ZNF518A: variants seen among roughly 807,000 people sequenced by gnomAD.
ZNF518A encodes zinc finger protein 518A.
ZNF518A carries 47 observed loss-of-function variants against 102.7 expected under a neutral mutation model. The observed-to-expected ratio is 0.46, with a 90% CI of 0.36 to 0.58. ZNF518A has a LOEUF of 0.58. Among genes scored for constraint, ZNF518A ranks in the 20% least tolerant of loss-of-function variants. The pLI is 0.00. For synonymous variants in ZNF518A, 652 were observed against 594.6 expected (o/e 1.10, Z -1.40); for missense variants, 1,793 against 1,699.8 (o/e 1.05, Z -0.96).
chr10:96,202,851 T>C (rs1476275214), intron 1 of ZNF518A, among the ~76,000 whole-genome samples: 4 of 152,200 alleles, frequency 2.6e-5, no homozygotes, highest in African/African-American at 9.6e-5. Flanking sequence ...GTTTTCAACA[T>C]GCGTGCATCT....
chr10:96,172,610 T>A (rs1424707183), intron 1 of ZNF518A, among the ~76,000 whole-genome samples: 2 of 152,122 alleles, frequency 1.3e-5, no homozygotes, highest in African/African-American at 4.8e-5. Flanking sequence ...TGGAATTAAG[T>A]TTGTATTTAT....
At chr10:96,193,608 C>T (rs1421344571) in intron 1 of ZNF518A, among the ~76,000 whole-genome samples, 3 of 152,046 alleles carry the variant, frequency 2.0e-5, no homozygotes, top group African/African-American at 7.2e-5. Flanking sequence ...TACAGCTTCC[C>T]CTCACTCTCC....
rs1554885648 is a variant in ZNF518A, at chr10:96,159,203, G to A, written c.2881G>A (p.Val961Ile). Reference sequence around the variant, plus strand: ...TATTCCTGGAAATGCACTTCCATTGGTTAATTCACAAGGTATCCCTGCTTC... The same window carrying A: ...TATTCCTGGAAATGCACTTCCATTGATTAATTCACAAGGTATCCCTGCTTC... The part of the protein sequence containing the change: ...PVIPGNALPL[V>I]NSQGIPASLF... Residue 961 changes from valine to isoleucine, a missense_variant, in exon 6 of 6, where the codon GTT (valine) becomes ATT (isoleucine). This residue lies in a region of ZNF518A where 1,741 missense variants were observed against 1,622.6 expected (regional missense o/e 1.07). Coordinates refer to ENST00000316045, the MANE Select transcript of ZNF518A (RefSeq NM_001330736.2). 5 of 1,613,624 alleles carry A rather than the reference G, an allele frequency of 3.1e-6. No individual in the cohort carries two copies. In the South Asian group the frequency reaches 5.5e-5, roughly 18 times the overall value.
intron 3 of ZNF518A, among the ~76,000 whole-genome samples, chr10:96,148,909 G>A (rs1296775991): frequency 1.3e-5 from 2 of 152,118 alleles, no homozygotes; most frequent in Non-Finnish European, 2.9e-5. Context: ...TAAAGACGGG[G>A]TTTCACCATG....
chr10:96,197,787 G>A (rs1240500122), intron 1 of ZNF518A, among the ~76,000 whole-genome samples: 3 of 151,836 alleles, frequency 2.0e-5, no homozygotes, highest in Non-Finnish European at 4.4e-5. Flanking sequence ...ATAGTGGCGG[G>A]CACCTGTAGT....
chr10:96,157,895 G>A lies in ZNF518A; in HGVS notation c.1573G>A (p.Ala525Thr), dbSNP rs781859556. Residue 525 changes from alanine to threonine, a missense_variant, in exon 6 of 6, where the codon GCA becomes ACA. Around this residue, in one of 3 missense-constraint regions of ZNF518A, gnomAD observed 1,741 missense variants for 1,622.6 expected, o/e 1.07. Transcript: ENST00000316045. The part of the protein sequence containing the change: ...SCSSSILSGK[A>T]SSEKEMTLIS... ...TTCATCTTCTATACTTTCAGGGAAA[G>A]CAAGTTCAGAAAAAGAAATGACTTT... 4 of 1,613,756 alleles carry A rather than the reference G, an allele frequency of 2.5e-6. No individual in the cohort carries two copies. The highest frequency in any genetic ancestry group is 3.4e-6 in the Non-Finnish European group (4 of 1,179,786).
intron 1 of ZNF518A, among the ~76,000 whole-genome samples, chr10:96,182,804 C>A (rs1433189228): frequency 1.3e-5 from 2 of 152,150 alleles, no homozygotes; most frequent in Non-Finnish European, 2.9e-5. Context: ...GTGTCTCTGC[C>A]AGGCTTTGGT....
chr10:96,171,693 CAT>C (rs782148070), intron 1 of ZNF518A, among the ~76,000 whole-genome samples: 123 of 152,188 alleles, frequency 8.1e-4, no homozygotes, highest in Non-Finnish European at 1.5e-3. Context: ...CACATAGACA[CAT>C]GTATAATGTG....
At chr10:96,201,712 ATG>A (rs1339237009) in intron 1 of ZNF518A, among the ~76,000 whole-genome samples, 1 of 115,698 alleles carries the variant, frequency 8.6e-6, no homozygotes. Context: ...ATGTGGAAAC[ATG>A]TGAAATACGA....
chr10:96,133,999 G>A (rs1382896999), intron 3 of ZNF518A, among the ~76,000 whole-genome samples: 2 of 152,170 alleles, frequency 1.3e-5, no homozygotes, highest in Non-Finnish European at 2.9e-5. Flanking sequence ...AAGAGATAAA[G>A]TAATTCTGAA....
At chr10:96,196,811 G>T in intron 1 of ZNF518A, 1 of 1,229,408 alleles carries the variant, frequency 8.1e-7, no homozygotes, top group Non-Finnish European at 1.2e-6. Flanking sequence ...AAGTACTTTT[G>T]TATCCTTTCT....
At chr10:96,188,833 T>G (rs10882742) in intron 1 of ZNF518A, among the ~76,000 whole-genome samples, 46,671 of 152,108 alleles carry the variant, frequency 0.31, 8,260 homozygotes, top group East Asian at 0.67. Context: ...AGCCAGAAAT[T>G]TATTGTCTTC....
intron 1 of ZNF518A, among the ~76,000 whole-genome samples, chr10:96,187,156 C>T (rs983267979): frequency 4.6e-5 from 7 of 152,184 alleles, no homozygotes; most frequent in African/African-American, 1.4e-4. Context: ...TCCTAATACA[C>T]AATTATAATT....
At chr10:96,197,412 C>T (rs2083495272) in intron 1 of ZNF518A, among the ~76,000 whole-genome samples, 1 of 152,154 alleles carries the variant, frequency 6.6e-6, no homozygotes, top group African/African-American at 2.4e-5. Context: ...TCAAGCGATC[C>T]TCCCACCTCA....
At chr10:96,150,708 C>CT (rs797029835) in intron 3 of ZNF518A, among the ~76,000 whole-genome samples, 158 of 45,718 alleles carry the variant, frequency 3.5e-3, no homozygotes, top group Admixed American at 5.6e-3. Flanking sequence ...TTTAAGTTTT[C>CT]TTTTTTTTTT....
chr10:96,183,937 G>C (rs1474107639), intron 1 of ZNF518A, among the ~76,000 whole-genome samples: 1 of 152,082 alleles, frequency 6.6e-6, no homozygotes, highest in Non-Finnish European at 1.5e-5. Flanking sequence ...CATTATTATT[G>C]TTGGGTATCT....
chr10:96,179,739 T>C (rs2083227088), intron 1 of ZNF518A, among the ~76,000 whole-genome samples: 1 of 151,386 alleles, frequency 6.6e-6, no homozygotes. Flanking sequence ...AATAACACTT[T>C]TGAATCTTTT....
rs2133821655 is a variant in ZNF518A, at chr10:96,159,421, T to A, written c.3099T>A (p.Ser1033Arg). 2 of 1,613,810 alleles carry A rather than the reference T, an allele frequency of 1.2e-6. No individual in the cohort carries two copies. The highest frequency in any genetic ancestry group is 2.7e-5 in the African/African-American group (2 of 75,058). ...LTPGLCSSIG[S>R]CLSMKSSSEN... ...CTGGACTTTGTTCCAGCATTGGCAG[T>A]TGTTTGAGCATGAAAAGTAGCTCAG... Residue 1033 changes from serine to arginine, a missense_variant, in exon 6 of 6, where the codon AGT becomes AGA. Transcript: ENST00000316045.
intron 3 of ZNF518A, among the ~76,000 whole-genome samples, chr10:96,154,655 C>T (rs782273839): frequency 3.0e-4 from 46 of 152,076 alleles, no homozygotes; most frequent in Non-Finnish European, 6.5e-4. Context: ...TCAGCCTTTT[C>T]TCCTGGTTTC....
Sources: gnomAD v4.1 joint callset for allele counts (sites outside exome capture counted in the v4.1 genomes callset) on GRCh38, gnomAD v4.1.1 for gene constraint, gnomAD v4.1.1 regional missense constraint, MANE v1.5 for transcripts, NCBI Gene and HGNC (gene_info 2026-07-23, HGNC 2026-07-21) for gene names.